The following NELL2 variants were observed in gnomAD, a reference collection of about 807,000 sequenced individuals.
NELL2 encodes protein kinase C-binding protein NELL2.
A neutral mutation model predicts 109.6 loss-of-function variants in NELL2; 41 were observed. The ratio of observed to expected loss-of-function variants is 0.37; its 90% CI spans 0.29 to 0.49. NELL2 has a LOEUF of 0.49. NELL2 is among the 20% of genes least tolerant of loss of function. The pLI is 0.98. For missense variants in NELL2, 900 were observed against 1,008.3 expected (o/e 0.89, Z 1.45); for synonymous variants, 355 against 344.7 (o/e 1.03, Z -0.33).
intron 9 of NELL2, among the ~76,000 whole-genome samples, chr12:44,762,444 A>G (rs770144755): frequency 2.0e-5 from 3 of 152,212 alleles, no homozygotes; most frequent in Non-Finnish European, 2.9e-5. Flanking sequence ...ATCATTTCCC[A>G]TAACTTCCAC....
intron 15 of NELL2, among the ~76,000 whole-genome samples, chr12:44,601,630 A>C (rs1035647068): frequency 6.6e-5 from 10 of 152,144 alleles, no homozygotes; most frequent in African/African-American, 1.9e-4. Flanking sequence ...AGTCTCAAAC[A>C]GTTCTGTCTA....
intron 12 of NELL2, among the ~76,000 whole-genome samples, chr12:44,684,789 G>T (rs1948656685): frequency 6.6e-6 from 1 of 152,162 alleles, no homozygotes; most frequent in South Asian, 2.1e-4. Context: ...GAGATAGTTT[G>T]TTATAATTTC....
intron 2 of NELL2, among the ~76,000 whole-genome samples, chr12:44,874,606 C>T (rs1238448343): frequency 6.6e-6 from 1 of 152,174 alleles, no homozygotes; most frequent in Non-Finnish European, 1.5e-5. Context: ...ATATGAGATA[C>T]ACTTCTAGAT....
Position 44,740,422 on chromosome 12 carries a change from A to G in NELL2, c.995-25681T>C, listed in dbSNP as rs148942710. On this transcript the variant is annotated intron_variant, in intron 9 of 19. Coordinates refer to ENST00000429094, the MANE Select transcript of NELL2 (RefSeq NM_001145108.2). ...GGCATACCTTTCTCTGTGTTGTCCT[A>G]TCTGTGAACTACTTCTAGCATGAAA... is the stretch of plus-strand genomic sequence containing the variant. Among the ~76,000 whole-genome samples the G allele has an allele frequency of 3.8e-4, 58 of 152,270 alleles. 1 individual carries two copies. The highest frequency in any genetic ancestry group is 2.2e-4 in the Non-Finnish European group (15 of 68,020).
chr12:44,610,766 C>A, intron 14 of NELL2, 82 bp downstream of exon 14: 1 of 1,570,430 alleles, frequency 6.4e-7, no homozygotes, highest in Non-Finnish European at 8.7e-7. Flanking sequence ...ATGTACATAA[C>A]AGTAATGATA....
At chr12:44,815,623 T>C (rs1159558661) in intron 3 of NELL2, among the ~76,000 whole-genome samples, 1 of 152,354 alleles carries the variant, frequency 6.6e-6, no homozygotes, top group East Asian at 1.9e-4. Flanking sequence ...TAAACCAATC[T>C]TTGTGTTGTT....
intron 3 of NELL2, among the ~76,000 whole-genome samples, chr12:44,781,681 A>G (rs1049518133): frequency 6.6e-6 from 1 of 152,122 alleles, no homozygotes; most frequent in African/African-American, 2.4e-5. Context: ...AAGTACAAGG[A>G]AAAATTAGAG....
chr12:44,847,567 G>GGAA (rs112281788), intron 2 of NELL2, among the ~76,000 whole-genome samples: 1,653 of 142,936 alleles, frequency 0.012, 35 homozygotes, highest in African/African-American at 0.04. Flanking sequence ...AGAAATGGGG[G>GGAA]AAAAAAAAAA....
At chr12:44,715,994 C>G (rs1225291753) in intron 9 of NELL2, among the ~76,000 whole-genome samples, 2 of 151,900 alleles carry the variant, frequency 1.3e-5, no homozygotes, top group Non-Finnish European at 2.9e-5. Context: ...GAGACAGGGT[C>G]TTGCTGTGTT....
intron 13 of NELL2, among the ~76,000 whole-genome samples, chr12:44,620,116 G>GT (rs1278589620): frequency 2.6e-4 from 34 of 131,384 alleles, no homozygotes; most frequent in Admixed American, 2.1e-3. Context: ...GTTCGCCTGG[G>GT]TTTTGTTTTT....
At chr12:44,835,417 G>A (rs142702250) in intron 2 of NELL2, among the ~76,000 whole-genome samples, 121 of 152,258 alleles carry the variant, frequency 7.9e-4, no homozygotes, top group African/African-American at 2.4e-3. Flanking sequence ...AGCAGGCTGC[G>A]GCTCAGACTT....
chr12:44,830,731 T>C (rs1219057574), intron 2 of NELL2, among the ~76,000 whole-genome samples: 1 of 152,036 alleles, frequency 6.6e-6, no homozygotes, highest in Admixed American at 6.6e-5. Flanking sequence ...GTGCAGCCTC[T>C]AAAATAAATC....
At chr12:44,801,378 GATTATT>G (rs942332745) in intron 3 of NELL2, among the ~76,000 whole-genome samples, 33 of 152,098 alleles carry the variant, frequency 2.2e-4, no homozygotes, top group African/African-American at 7.7e-4. Context: ...AAAAATACAT[GATTATT>G]ATTATTATCT....
At chr12:44,633,781 A>G (rs1363048294) in intron 13 of NELL2, among the ~76,000 whole-genome samples, 1 of 152,136 alleles carries the variant, frequency 6.6e-6, no homozygotes, top group Non-Finnish European at 1.5e-5. Context: ...GTTTTCCTAA[A>G]TATCCAACCT....
At chr12:44,686,327 T>G (rs1160302341) in intron 12 of NELL2, among the ~76,000 whole-genome samples, 1 of 152,184 alleles carries the variant, frequency 6.6e-6, no homozygotes, top group Non-Finnish European at 1.5e-5. Flanking sequence ...TAAATTTTTT[T>G]CAAAGTTTTC....
chr12:44,566,142 T>C (rs1473834831), intron 15 of NELL2, among the ~76,000 whole-genome samples: 1 of 152,130 alleles, frequency 6.6e-6, no homozygotes, highest in Non-Finnish European at 1.5e-5. Context: ...ATTCAAAAGC[T>C]AGTTTGAATT....
At chr12:44,624,994 GTGTATA>G (rs369690825) in intron 13 of NELL2, among the ~76,000 whole-genome samples, 11,610 of 118,558 alleles carry the variant, frequency 0.098, 763 homozygotes, top group Middle Eastern at 0.17. Context: ...ATATATGTGT[GTGTATA>G]TATATATATA....
At chr12:44,677,189 T>G (rs1365736597) in intron 12 of NELL2, among the ~76,000 whole-genome samples, 2 of 152,080 alleles carry the variant, frequency 1.3e-5, no homozygotes, top group Admixed American at 1.3e-4. Flanking sequence ...TTGGTATGCT[T>G]GAAGGATAGC....
At chr12:44,715,661 A>G (rs745395401) in intron 9 of NELL2, among the ~76,000 whole-genome samples, 1 of 152,076 alleles carries the variant, frequency 6.6e-6, no homozygotes, top group Non-Finnish European at 1.5e-5. Context: ...CCAATATTGT[A>G]GATGCTTCAG....
Sources: allele counts gnomAD v4.1 joint callset (sites outside exome capture counted in the v4.1 genomes callset), GRCh38; gene constraint gnomAD v4.1.1; transcripts MANE v1.5; gene names NCBI Gene and HGNC (gene_info 2026-07-23, HGNC 2026-07-21).